The following CBL variants were observed in gnomAD, a reference collection of about 807,000 sequenced individuals.
CBL encodes the protein E3 ubiquitin-protein ligase CBL.
A neutral mutation model predicts 96.9 loss-of-function variants in CBL; 45 were observed. That is an observed-to-expected ratio of 0.46 (90% CI 0.37 to 0.60). CBL has a LOEUF of 0.60. CBL is among the 20% of genes least tolerant of loss of function. The pLI is 0.00. For synonymous variants in CBL, 420 were observed against 426.8 expected (o/e 0.98, Z 0.20); for missense variants, 1,024 against 1,143.5 (o/e 0.90, Z 1.51).
In CBL at chr11:119,206,626, TG is replaced by T. The variant is rs1466698205; in HGVS notation, c.195+15del. ...CTCATGGACAAGGTGAAAGGCCGGC[TG>T]AGCGCCCGCTGTTGCAGGGTGGGCG... is the stretch of plus-strand genomic sequence containing the variant. On this transcript the variant is annotated intron_variant, in intron 1 of 15. Transcript: ENST00000264033. The T allele has an allele frequency of 6.5e-6, 10 of 1,544,170 alleles. No individual in the cohort carries two copies. The highest frequency in any genetic ancestry group is 8.7e-6 in the Non-Finnish European group (10 of 1,144,480).
Position 119,208,392 on chromosome 11 carries a change from C to CT in CBL, c.195+1793dup, listed in dbSNP as rs1219956349. On this transcript the variant is annotated intron_variant, in intron 1 of 15. Transcript: ENST00000264033. ...CTAAAGAGTTTCTGTATTCTGTATT[C>CT]TTTTTTTTTTTTTGAGACGGAGTTT... 7.8e-3 allele frequency among the ~76,000 whole-genome samples: 1,125 copies of CT among 143,446 alleles called. 11 individuals carry two copies. Among genetic ancestry groups the CT allele is most frequent in the African/African-American group, 0.022 (875 of 39,354 alleles). The allele number at this position is 143,446 out of a possible 152,430, so 94.1% of individuals were successfully genotyped here.
intron 1 of CBL, among the ~76,000 whole-genome samples, chr11:119,209,717 A>G (rs1164807956): frequency 6.6e-6 from 1 of 152,246 alleles, no homozygotes; most frequent in Non-Finnish European, 1.5e-5. Flanking sequence ...AGCTGGATGA[A>G]TATTATTCCA....
At position 119,299,855 on chromosome 11, in the gene CBL, C is replaced by T. The variant is rs1174970314; in HGVS notation, c.*74C>T. 1.4e-6 allele frequency: 2 copies of T among 1,452,378 alleles called. No individual in the cohort carries two copies. The highest frequency in any genetic ancestry group is 1.9e-6 in the Non-Finnish European group (2 of 1,041,182). The allele number at this position is 1,452,378 out of a possible 1,614,324, so 90.0% of individuals were successfully genotyped here. On this transcript the variant is annotated 3_prime_UTR_variant, in exon 16 of 16. Coordinates refer to ENST00000264033, the MANE Select transcript of CBL (RefSeq NM_005188.4). ...ATTACTCAAGTGGCACCTAGAAGGG[C>T]AGGAGTTCCTTTGGTGACTTCACAG...
intron 1 of CBL, 131 bp downstream of exon 1, chr11:119,206,743 G>T: frequency 1.1e-6 from 1 of 944,850 alleles, no homozygotes; most frequent in South Asian, 1.8e-5. Context: ...CGGAGCCGGG[G>T]TGACCGGCCG....
chr11:119,270,547 C>T (rs372251835), intron 2 of CBL, among the ~76,000 whole-genome samples: 76 of 138,828 alleles, frequency 5.5e-4, no homozygotes, highest in African/African-American at 1.8e-3. Flanking sequence ...CCCGGGTTCA[C>T]GCCATTCTCC....
chr11:119,218,461 C>G (rs761748492), intron 1 of CBL, among the ~76,000 whole-genome samples: 6 of 152,170 alleles, frequency 3.9e-5, no homozygotes, highest in Non-Finnish European at 8.8e-5. Flanking sequence ...GTTTCGCTTC[C>G]TGCTGTTTCA....
chr11:119,208,678 A>G (rs769484422), intron 1 of CBL, among the ~76,000 whole-genome samples: 8 of 152,188 alleles, frequency 5.3e-5, no homozygotes, highest in Non-Finnish European at 7.3e-5. Flanking sequence ...GGTGTGAGCC[A>G]CTGGGCCTGG....
At chr11:119,231,932 TAA>T (rs755171298) in intron 1 of CBL, among the ~76,000 whole-genome samples, 8 of 132,972 alleles carry the variant, frequency 6.0e-5, no homozygotes, top group Non-Finnish European at 3.3e-5. Context: ...AACATGTCTC[TAA>T]AAAAAAAAAA....
intron 2 of CBL, among the ~76,000 whole-genome samples, chr11:119,235,620 T>C (rs1371170698): frequency 6.6e-6 from 1 of 150,966 alleles, no homozygotes; most frequent in African/African-American, 2.4e-5. Context: ...GTGGAGGGGG[T>C]GGAAGGGGAG....
chr11:119,264,331 T>C (rs1306324447), intron 2 of CBL, among the ~76,000 whole-genome samples: 1 of 152,112 alleles, frequency 6.6e-6, no homozygotes, highest in Non-Finnish European at 1.5e-5. Context: ...GAGCTGGGAT[T>C]ACAGGTGTGA....
intron 6 of CBL, among the ~76,000 whole-genome samples, chr11:119,277,239 GCGCA>G (rs1222063699): frequency 7.7e-4 from 106 of 138,352 alleles, no homozygotes; most frequent in African/African-American, 2.3e-3. Context: ...AGAATCTGTC[GCGCA>G]CACACACACA....
intron 12 of CBL, among the ~76,000 whole-genome samples, chr11:119,291,808 A>G (rs1179015167): frequency 6.6e-6 from 1 of 152,156 alleles, no homozygotes; most frequent in East Asian, 1.9e-4. Context: ...GTTTTACTGT[A>G]TCTTCCTTTG....
intron 12 of CBL, among the ~76,000 whole-genome samples, 158 bp from the exon 13 acceptor site, chr11:119,296,760 A>G (rs1950064788): frequency 6.6e-6 from 1 of 152,196 alleles, no homozygotes. Context: ...TACTTTTGCT[A>G]ATTACTTGTC....
chr11:119,260,289 G>C (rs1949744904), intron 2 of CBL, among the ~76,000 whole-genome samples: 1 of 148,854 alleles, frequency 6.7e-6, no homozygotes, highest in African/African-American at 2.5e-5. Context: ...CTGTCGTTCA[G>C]ACTGGATTTA....
intron 11 of CBL, among the ~76,000 whole-genome samples, chr11:119,285,911 A>G (rs1949981707): frequency 6.6e-6 from 1 of 152,070 alleles, no homozygotes; most frequent in Admixed American, 6.6e-5. Context: ...AAAAGAAGAA[A>G]GAAAAAGAAA....
intron 2 of CBL, among the ~76,000 whole-genome samples, chr11:119,246,305 A>G (rs1351657831): frequency 6.6e-6 from 1 of 151,966 alleles, no homozygotes; most frequent in Non-Finnish European, 1.5e-5. Context: ...GTTTAAGAGA[A>G]TACAGCTGGA....
chr11:119,286,874 T>C (rs1372521643), intron 11 of CBL, among the ~76,000 whole-genome samples: 2 of 152,210 alleles, frequency 1.3e-5, no homozygotes, highest in African/African-American at 2.4e-5. Context: ...AACATGTTAA[T>C]TGAATAACAT....
rs1312465192 is a variant in CBL at position 119,303,778 on chromosome 11, T to A, written c.*3997T>A. 4.3e-6 allele frequency: 1 copy of A among 233,574 alleles called. No homozygotes were observed. The highest frequency in any genetic ancestry group is 8.5e-6 in the Non-Finnish European group (1 of 118,040). 14.5% of individuals were successfully genotyped at this position (233,574 alleles called of 1,614,324 possible). On this transcript the variant is annotated 3_prime_UTR_variant, in exon 16 of 16. Coordinates refer to ENST00000264033, the MANE Select transcript of CBL (RefSeq NM_005188.4). ...GGCTCAGAGTTGCACAGTAGGGCAT[T>A]AAATGTTTAAGCAAAGCATCTGCCC...
chr11:119,248,283 C>A (rs1949646918), intron 2 of CBL, among the ~76,000 whole-genome samples: 1 of 152,172 alleles, frequency 6.6e-6, no homozygotes, highest in South Asian at 2.1e-4. Context: ...ACATACAGAC[C>A]AGTAGACTAG....
Sources: gnomAD v4.1 joint callset for allele counts (sites outside exome capture counted in the v4.1 genomes callset) on GRCh38, gnomAD v4.1.1 for gene constraint, MANE v1.5 for transcripts, NCBI Gene and HGNC (gene_info 2026-07-23, HGNC 2026-07-21) for gene names.